Variants in RCOR1 observed in about 807,000 individuals in gnomAD.
RCOR1 encodes REST corepressor 1.
In RCOR1, 12 loss-of-function variants were observed where a neutral mutation model predicts 64.0. That is an observed-to-expected ratio of 0.19 (90% confidence interval 0.12 to 0.30). The LOEUF is 0.30. Among genes scored for constraint, RCOR1 ranks in the 10% least tolerant of loss-of-function variants. The probability of loss-of-function intolerance (pLI) is 1.00; values close to 1 mark genes in which losing one functional copy is unlikely to be tolerated. For missense variants in RCOR1, 502 were observed against 621.2 expected, an observed-to-expected ratio of 0.81 and a Z score of 2.04; for synonymous variants, 279 against 227.2, an observed-to-expected ratio of 1.23 and a Z score of -2.05.
intron 8 of RCOR1, among the ~76,000 whole-genome samples, chr14:102,720,094 A>G (rs368749613): frequency 7.0e-4 from 106 of 152,336 alleles, no homozygotes; most frequent in African/African-American, 2.3e-3. Flanking sequence ...TTCGGGTAGC[A>G]TCTTCTACTC....
intron 2 of RCOR1, among the ~76,000 whole-genome samples, chr14:102,620,556 C>G (rs1261069289): frequency 6.6e-6 from 1 of 152,052 alleles, no homozygotes; most frequent in Admixed American, 6.6e-5. Context: ...AAGAGCGAAA[C>G]CGTCTCACAA....
Position 102,728,611 on chromosome 14 carries a change from C to T in RCOR1, c.*2105C>T, listed in dbSNP as rs915139814. The T allele has an allele frequency of 6.6e-6, 1 of 152,180 alleles. No individual in the cohort carries two copies. Among genetic ancestry groups the T allele is most frequent in the Admixed American group, 6.5e-5 (1 of 15,270 alleles). 9.4% of individuals were successfully genotyped at this position (152,180 alleles called of 1,614,324 possible). On this transcript the variant is annotated 3_prime_UTR_variant, in exon 12 of 12. Coordinates refer to ENST00000262241, the MANE Select transcript of RCOR1 (RefSeq NM_015156.4). ...TCTGTTAAGGAAAATAGCCTGGTCC[C>T]TCCTGGCAGTGCTTGGAAGCTTGAT... is the stretch of plus-strand genomic sequence containing the variant.
intron 2 of RCOR1, among the ~76,000 whole-genome samples, chr14:102,678,820 G>C (rs531629761): frequency 1.5e-3 from 228 of 152,254 alleles, no homozygotes; most frequent in African/African-American, 5.3e-3. Context: ...ATTTTAGACA[G>C]CCTAACAGGT....
At chr14:102,639,569 T>A (rs1308751251) in intron 2 of RCOR1, among the ~76,000 whole-genome samples, 1 of 151,444 alleles carries the variant, frequency 6.6e-6, no homozygotes, top group Non-Finnish European at 1.5e-5. Context: ...AGTCTCGCTC[T>A]GTTGTCCAGG....
chr14:102,668,889 T>C (rs1262975494), intron 2 of RCOR1, among the ~76,000 whole-genome samples: 2 of 152,228 alleles, frequency 1.3e-5, no homozygotes, highest in Admixed American at 6.5e-5. Context: ...TTAAGGACTT[T>C]ATAGCGTGCC....
chr14:102,711,114 ATGTG>A, intron 7 of RCOR1, 101 bp downstream of exon 7: 17 of 743,262 alleles, frequency 2.3e-5, no homozygotes, highest in Non-Finnish European at 3.8e-5. Flanking sequence ...ATTAAGTGCT[ATGTG>A]GAAAGCAGCA....
chr14:102,618,469 G>T (rs1893808192), intron 2 of RCOR1, among the ~76,000 whole-genome samples: 1 of 151,974 alleles, frequency 6.6e-6, no homozygotes, highest in Admixed American at 6.6e-5. Flanking sequence ...AAAGCGCTGG[G>T]CATGGGCATA....
intron 3 of RCOR1, among the ~76,000 whole-genome samples, chr14:102,698,619 C>T (rs1003764889): frequency 3.3e-5 from 5 of 152,170 alleles, no homozygotes; most frequent in Admixed American, 1.3e-4. Flanking sequence ...CTCAATTTAC[C>T]GCAGATTGTT....
intron 2 of RCOR1, chr14:102,656,143 T>C (rs1894719332): frequency 1.0e-6 from 1 of 976,980 alleles, no homozygotes; most frequent in Admixed American, 6.2e-5. Context: ...TTTTATTTTT[T>C]TTATTTTTTT....
At chr14:102,659,939 A>G (rs1894797434) in intron 2 of RCOR1, among the ~76,000 whole-genome samples, 1 of 152,108 alleles carries the variant, frequency 6.6e-6, no homozygotes, top group South Asian at 2.1e-4. Context: ...TGTTCTTTTT[A>G]CTCCAGACAC....
chr14:102,593,078 C>A lies in RCOR1; in HGVS notation c.192C>A (p.Ala64=). ...CCGCCGCCGCCTCAGCCGCCGCCGC[C>A]CCCAATAATGGCCAGAATAAAAGTT... ...ASAAAASAAA[A]PNNGQNKSLA... Residue 64 remains alanine (A), a synonymous_variant, in exon 1 of 12, where the codon GCC becomes GCA. Transcript: ENST00000262241. The A allele has an allele frequency of 6.9e-7, 1 of 1,439,220 alleles. No homozygotes were observed. The highest frequency in any genetic ancestry group is 3.1e-5 in the East Asian group (1 of 32,704). The allele number at this position is 1,439,220 out of a possible 1,614,324, so 89.2% of individuals were successfully genotyped here.
chr14:102,697,936 G>C (rs1895680184), intron 3 of RCOR1, among the ~76,000 whole-genome samples: 1 of 152,150 alleles, frequency 6.6e-6, no homozygotes, highest in African/African-American at 2.4e-5. Context: ...GGCCGGGCTG[G>C]TCTCGAACTC....
At chr14:102,626,766 A>G (rs1190740876) in intron 2 of RCOR1, among the ~76,000 whole-genome samples, 1 of 152,206 alleles carries the variant, frequency 6.6e-6, no homozygotes, top group Non-Finnish European at 1.5e-5. Flanking sequence ...TGATCCTCCC[A>G]GATTGCAGGA....
chr14:102,699,105 T>C (rs753140455), intron 3 of RCOR1, among the ~76,000 whole-genome samples: 1 of 152,232 alleles, frequency 6.6e-6, no homozygotes, highest in Non-Finnish European at 1.5e-5. Context: ...CAGGATGATG[T>C]TGATCTCTTG....
intron 2 of RCOR1, among the ~76,000 whole-genome samples, chr14:102,678,594 T>G (rs1895239315): frequency 6.6e-6 from 1 of 152,176 alleles, no homozygotes; most frequent in Non-Finnish European, 1.5e-5. Context: ...TCCCAGCCTG[T>G]GTGCAGGTTT....
At chr14:102,595,283 C>T (rs763071117) in intron 2 of RCOR1, among the ~76,000 whole-genome samples, 2 of 152,212 alleles carry the variant, frequency 1.3e-5, no homozygotes, top group Non-Finnish European at 2.9e-5. Flanking sequence ...TGGAGGATCT[C>T]TGGAGCTCAG....
chr14:102,720,824 C>G, intron 8 of RCOR1, 183 bp from the exon 9 acceptor site: 1 of 472,104 alleles, frequency 2.1e-6, no homozygotes, highest in East Asian at 3.6e-5. Context: ...TTGCTCTGAA[C>G]AAGCAAATAA....
At chr14:102,610,624 G>T (rs149068828) in intron 2 of RCOR1, among the ~76,000 whole-genome samples, 1 of 152,026 alleles carries the variant, frequency 6.6e-6, no homozygotes, top group East Asian at 1.9e-4. Flanking sequence ...GTGCAGTGGC[G>T]CCATCTCAGC....
intron 2 of RCOR1, among the ~76,000 whole-genome samples, chr14:102,631,226 G>T (rs189642388): frequency 3.4e-5 from 5 of 149,100 alleles, no homozygotes; most frequent in African/African-American, 5.0e-5. Flanking sequence ...TTTTTGAGAC[G>T]GAGTCTTGCT....
Sources: gnomAD v4.1 joint callset for allele counts (sites outside exome capture counted in the v4.1 genomes callset) on GRCh38, gnomAD v4.1.1 for gene constraint, MANE v1.5 for transcripts, NCBI Gene and HGNC (gene_info 2026-07-23, HGNC 2026-07-21) for gene names.